The following IQCM variants were observed in gnomAD, a reference collection of about 807,000 sequenced individuals.
The protein encoded by IQCM is IQ motif containing M, also known as IQ domain-containing protein M.
In IQCM, 45 loss-of-function variants were observed where a neutral mutation model predicts 57.6. The observed-to-expected ratio is 0.78, with a 90% CI of 0.62 to 1.00. IQCM has a LOEUF of 1.00. IQCM is among the 50% of genes least tolerant of loss of function. The probability of loss-of-function intolerance (pLI) is 0.00; values close to 1 mark genes in which losing one functional copy is unlikely to be tolerated. For synonymous variants in IQCM, 148 were observed against 158.9 expected (o/e 0.93, Z 0.51); for missense variants, 468 against 511.6 (o/e 0.91, Z 0.82).
chr4:149,789,992 G>A (rs1772438171), intron 2 of IQCM: 1 of 349,326 alleles, frequency 2.9e-6, no homozygotes, highest in African/African-American at 2.1e-5. Flanking sequence ...AAGATACTCA[G>A]AAACGAGTTT....
At chr4:149,795,734 C>T (rs948518377) in intron 2 of IQCM, among the ~76,000 whole-genome samples, 2 of 152,116 alleles carry the variant, frequency 1.3e-5, no homozygotes, top group Non-Finnish European at 2.9e-5. Context: ...GATAACAGCT[C>T]AGCAACAGCA....
At chr4:149,393,798 T>G (rs1732031721) in intron 13 of IQCM, among the ~76,000 whole-genome samples, 1 of 151,904 alleles carries the variant, frequency 6.6e-6, no homozygotes, top group Non-Finnish European at 1.5e-5. Context: ...AAATAAAAAA[T>G]GAGAATTACT....
chr4:149,806,528 C>T (rs1463922667), intron 2 of IQCM, among the ~76,000 whole-genome samples: 4 of 151,976 alleles, frequency 2.6e-5, no homozygotes, highest in Non-Finnish European at 4.4e-5. Context: ...TGCTGTCTAC[C>T]TTCATGAGAT....
At chr4:149,573,479 G>T (rs1055327675) in intron 9 of IQCM, among the ~76,000 whole-genome samples, 2 of 151,848 alleles carry the variant, frequency 1.3e-5, no homozygotes, top group African/African-American at 4.8e-5. Context: ...ATGATAATTT[G>T]TTCCTTGTTT....
chr4:149,357,247 T>C (rs1302342793), intron 13 of IQCM, among the ~76,000 whole-genome samples: 1 of 152,232 alleles, frequency 6.6e-6, no homozygotes, highest in Non-Finnish European at 1.5e-5. Flanking sequence ...TTCCTTCTCC[T>C]GCCTGACTGC....
intron 12 of IQCM, among the ~76,000 whole-genome samples, chr4:149,535,733 C>A (rs576141599): frequency 3.1e-4 from 47 of 151,948 alleles, no homozygotes; most frequent in African/African-American, 1.1e-3. Flanking sequence ...ATATATCAAA[C>A]CAAATAATAA....
intron 8 of IQCM, among the ~76,000 whole-genome samples, chr4:149,613,352 C>T (rs540966531): frequency 6.6e-6 from 1 of 152,010 alleles, no homozygotes; most frequent in Non-Finnish European, 1.5e-5. Flanking sequence ...TCTGACAGTA[C>T]AATTTGGTAA....
chr4:149,445,867 C>T (rs72724088), intron 12 of IQCM, among the ~76,000 whole-genome samples: 32,853 of 151,558 alleles, frequency 0.22, 4,470 homozygotes, highest in Non-Finnish European at 0.29. Context: ...AATACAGCTG[C>T]CCATTCACTT....
At chr4:149,543,239 C>T (rs1050361675) in intron 12 of IQCM, among the ~76,000 whole-genome samples, 2 of 151,980 alleles carry the variant, frequency 1.3e-5, no homozygotes, top group African/African-American at 4.8e-5. Context: ...GATTACTACT[C>T]TGTCAAAAAT....
chr4:149,422,018 C>T (rs1391913826), intron 13 of IQCM, among the ~76,000 whole-genome samples: 4 of 151,852 alleles, frequency 2.6e-5, no homozygotes, highest in Non-Finnish European at 4.4e-5. Flanking sequence ...AACTGACAGT[C>T]AAACAATACA....
chr4:149,357,146 C>T (rs916678641), intron 13 of IQCM, among the ~76,000 whole-genome samples: 59 of 152,262 alleles, frequency 3.9e-4, no homozygotes, highest in African/African-American at 1.2e-3. Context: ...AGATTTTGGG[C>T]TGAGACAATG....
intron 13 of IQCM, among the ~76,000 whole-genome samples, chr4:149,432,707 T>G (rs1236389058): frequency 6.6e-6 from 1 of 151,858 alleles, no homozygotes; most frequent in Non-Finnish European, 1.5e-5. Context: ...AACTATACAC[T>G]GGGAGAAAAT....
intron 13 of IQCM, among the ~76,000 whole-genome samples, chr4:149,392,806 C>G (rs1466448714): frequency 6.6e-6 from 1 of 151,946 alleles, no homozygotes; most frequent in Non-Finnish European, 1.5e-5. Flanking sequence ...CTCTCAAGAA[C>G]TTCAAATTTT....
chr4:149,436,445 A>G (rs561019174), intron 12 of IQCM, among the ~76,000 whole-genome samples: 7 of 152,216 alleles, frequency 4.6e-5, no homozygotes, highest in African/African-American at 1.4e-4. Context: ...GTAACATTAG[A>G]CACATATCGA....
At chr4:149,669,801 AT>A (rs770613766) in intron 7 of IQCM, among the ~76,000 whole-genome samples, 24 of 152,040 alleles carry the variant, frequency 1.6e-4, no homozygotes, top group Non-Finnish European at 3.1e-4. Context: ...GTGTGGTATT[AT>A]TTCTGAGGGC....
At chr4:149,495,420 C>G (rs78428509) in intron 12 of IQCM, among the ~76,000 whole-genome samples, 1,594 of 152,118 alleles carry the variant, frequency 0.01, 34 homozygotes, top group African/African-American at 0.036. Context: ...AGTGACAAGC[C>G]CAAGCAACTG....
At chr4:149,464,365 C>T (rs1738621396) in intron 12 of IQCM, among the ~76,000 whole-genome samples, 1 of 152,138 alleles carries the variant, frequency 6.6e-6, no homozygotes, top group South Asian at 2.1e-4. Context: ...CCTTCCTATC[C>T]CGCAAACTAA....
chr4:149,805,291 T>C (rs1340056969), intron 2 of IQCM, among the ~76,000 whole-genome samples: 1 of 152,096 alleles, frequency 6.6e-6, no homozygotes, highest in Non-Finnish European at 1.5e-5. Context: ...CTGTTTGTTT[T>C]TAAATAAATC....
intron 13 of IQCM, among the ~76,000 whole-genome samples, chr4:149,365,729 T>TA (rs35493858): frequency 0.42 from 64,247 of 151,694 alleles, 13,734 homozygotes; most frequent in East Asian, 0.49. Context: ...AATCTAAGCT[T>TA]AAAAAAAATC....
Sources: allele counts gnomAD v4.1 joint callset (sites outside exome capture counted in the v4.1 genomes callset), GRCh38; gene constraint gnomAD v4.1.1; transcripts MANE v1.5; gene names NCBI Gene and HGNC (gene_info 2026-07-23, HGNC 2026-07-21).